Variants in CHCHD3 observed in about 807,000 individuals in gnomAD.
CHCHD3 encodes coiled-coil-helix-coiled-coil-helix domain containing 3.
In CHCHD3, 20 loss-of-function variants were observed where a neutral mutation model predicts 38.2. That is an observed-to-expected ratio of 0.52 (90% CI 0.37 to 0.76). CHCHD3 has a LOEUF of 0.76. Ranked by LOEUF, CHCHD3 falls within the 30% of genes least tolerant of loss-of-function variation. The probability of loss-of-function intolerance (pLI) is 0.00; values close to 1 mark genes in which losing one functional copy is unlikely to be tolerated. For missense variants in CHCHD3, 245 were observed against 279.2 expected (o/e 0.88, Z 0.87); for synonymous variants, 82 against 100.0 (o/e 0.82, Z 1.07).
intron 5 of CHCHD3, among the ~76,000 whole-genome samples, chr7:132,880,498 C>T (rs1011851622): frequency 3.9e-5 from 6 of 152,104 alleles, no homozygotes; most frequent in Admixed American, 3.9e-4. Context: ...GAAGAAGATA[C>T]TAAACATTTG....
intron 4 of CHCHD3, among the ~76,000 whole-genome samples, chr7:132,927,655 T>A (rs1810408369): frequency 6.6e-6 from 1 of 152,244 alleles, no homozygotes; most frequent in South Asian, 2.1e-4. Context: ...TTAAACTGTT[T>A]AAAATTGACA....
chr7:132,791,105 T>C (rs1275935273), intron 7 of CHCHD3, among the ~76,000 whole-genome samples: 1 of 152,174 alleles, frequency 6.6e-6, no homozygotes, highest in Admixed American at 6.5e-5. Context: ...TTCAGGCCAA[T>C]GGGCTCTAAG....
chr7:132,820,067 A>C (rs1807305626), intron 6 of CHCHD3, among the ~76,000 whole-genome samples: 1 of 152,172 alleles, frequency 6.6e-6, no homozygotes, highest in South Asian at 2.1e-4. Flanking sequence ...GCAGAAACTT[A>C]TTTCGCTTTT....
intron 3 of CHCHD3, among the ~76,000 whole-genome samples, chr7:132,985,462 AG>A (rs377270109): frequency 0.037 from 1,744 of 47,270 alleles, 317 homozygotes; most frequent in Middle Eastern, 0.065. Flanking sequence ...GGAAGAGAGG[AG>A]CCCCTCTGCC....
At chr7:132,875,567 T>C (rs1808874955) in intron 5 of CHCHD3, among the ~76,000 whole-genome samples, 1 of 152,102 alleles carries the variant, frequency 6.6e-6, no homozygotes, top group Non-Finnish European at 1.5e-5. Context: ...AGTAAAAAGG[T>C]AGTGTTCTTC....
intron 4 of CHCHD3, among the ~76,000 whole-genome samples, chr7:132,911,622 T>C (rs893222424): frequency 3.1e-4 from 47 of 152,360 alleles, no homozygotes; most frequent in African/African-American, 1.1e-3. Flanking sequence ...TATTTAAAAC[T>C]TACCTTGGGT....
chr7:132,827,842 T>C (rs1260870574), intron 6 of CHCHD3, among the ~76,000 whole-genome samples: 4 of 152,216 alleles, frequency 2.6e-5, no homozygotes, highest in Non-Finnish European at 5.9e-5. Flanking sequence ...TGCTGTTACA[T>C]GTATCGATAG....
At chr7:132,875,658 G>A (rs1406479242) in intron 5 of CHCHD3, among the ~76,000 whole-genome samples, 1 of 152,180 alleles carries the variant, frequency 6.6e-6, no homozygotes, top group African/African-American at 2.4e-5. Flanking sequence ...GGGCTTTTGT[G>A]CCATTTGTAT....
chr7:132,809,496 A>C (rs1197778429), intron 6 of CHCHD3, among the ~76,000 whole-genome samples: 1 of 152,168 alleles, frequency 6.6e-6, no homozygotes, highest in Non-Finnish European at 1.5e-5. Context: ...CCCAGGAGTC[A>C]ACAGCATTCT....
chr7:133,053,500 G>A (rs1384759879), intron 2 of CHCHD3, among the ~76,000 whole-genome samples: 1 of 152,192 alleles, frequency 6.6e-6, no homozygotes, highest in African/African-American at 2.4e-5. Context: ...GACACGTCAT[G>A]AGAAGCCAAA....
intron 3 of CHCHD3, among the ~76,000 whole-genome samples, chr7:133,000,100 A>G (rs759132826): frequency 2.6e-5 from 4 of 152,208 alleles, no homozygotes; most frequent in Non-Finnish European, 4.4e-5. Context: ...AACTGCTTAA[A>G]AATTTACACT....
At chr7:132,983,924 C>G (rs901766890) in intron 3 of CHCHD3, among the ~76,000 whole-genome samples, 1 of 151,784 alleles carries the variant, frequency 6.6e-6, no homozygotes, top group Non-Finnish European at 1.5e-5. Context: ...TTGAGAAATA[C>G]CTTTTAATCT....
In CHCHD3 at chr7:132,847,735, TAC is replaced by T. The variant is rs1808112862; in HGVS notation, c.454-9268_454-9267del. Among the ~76,000 whole-genome samples, 3 of 152,222 alleles carry T rather than the reference TAC, an allele frequency of 2.0e-5. No individual in the cohort carries two copies. The South Asian group carries it at 6.2e-4, about 32-fold the overall frequency. Reference sequence around the variant, plus strand: ...ATTTGATCAAAAGAAAACATGCACATACACACACAGTATTCGTGCAATATTTT... The same window carrying T: ...ATTTGATCAAAAGAAAACATGCACATACACACAGTATTCGTGCAATATTTT... On this transcript the variant is annotated intron_variant, in intron 5 of 7. Transcript: ENST00000262570.
intron 6 of CHCHD3, among the ~76,000 whole-genome samples, chr7:132,827,847 C>G (rs1485132235): frequency 6.6e-6 from 1 of 152,228 alleles, no homozygotes; most frequent in Admixed American, 6.5e-5. Flanking sequence ...TTACATGTAT[C>G]GATAGTTTGC....
At chr7:132,970,397 T>C (rs1165030753) in intron 4 of CHCHD3, among the ~76,000 whole-genome samples, 2 of 152,232 alleles carry the variant, frequency 1.3e-5, no homozygotes, top group African/African-American at 4.8e-5. Flanking sequence ...ATTGACTGCT[T>C]ACTGTTTGCT....
At chr7:132,955,972 T>C (rs1293543162) in intron 4 of CHCHD3, among the ~76,000 whole-genome samples, 1 of 152,182 alleles carries the variant, frequency 6.6e-6, no homozygotes, top group Non-Finnish European at 1.5e-5. Context: ...AAGTGGATTC[T>C]ACAAGAGGGA....
intron 6 of CHCHD3, among the ~76,000 whole-genome samples, chr7:132,810,022 G>T (rs1308710228): frequency 4.6e-5 from 7 of 152,100 alleles, no homozygotes; most frequent in African/African-American, 1.2e-4. Flanking sequence ...ATGAGAAAAT[G>T]GTCTCTATTT....
chr7:132,965,222 C>T (rs1001905402), intron 4 of CHCHD3, among the ~76,000 whole-genome samples: 2 of 152,022 alleles, frequency 1.3e-5, no homozygotes, highest in Non-Finnish European at 2.9e-5. Context: ...ATCCATTACA[C>T]GTTAAAAACA....
At chr7:132,997,137 C>T (rs1199868048) in intron 3 of CHCHD3, among the ~76,000 whole-genome samples, 1 of 152,220 alleles carries the variant, frequency 6.6e-6, no homozygotes, top group Non-Finnish European at 1.5e-5. Flanking sequence ...ATTTAACTCT[C>T]TGCCAGCAGG....
Sources: allele counts gnomAD v4.1 joint callset (sites outside exome capture counted in the v4.1 genomes callset), GRCh38; gene constraint gnomAD v4.1.1; transcripts MANE v1.5; gene names NCBI Gene and HGNC (gene_info 2026-07-23, HGNC 2026-07-21).